Variants in CTCF observed in about 807,000 individuals in gnomAD.
CTCF encodes transcriptional repressor CTCF.
CTCF carries 7 observed loss-of-function variants against 72.3 expected under a neutral mutation model. The observed-to-expected ratio is 0.10, with a 90% CI of 0.06 to 0.18. The LOEUF (loss-of-function observed/expected upper bound fraction) is 0.18. Among genes scored for constraint, CTCF ranks in the 10% least tolerant of loss-of-function variants. The probability of loss-of-function intolerance (pLI) is 1.00; values close to 1 mark genes in which losing one functional copy is unlikely to be tolerated. For synonymous variants in CTCF, 374 were observed against 315.8 expected (o/e 1.18, Z -1.95); for missense variants, 516 against 949.1 (o/e 0.54, Z 6.00).
chr16:67,571,561 T>G (rs991062194), intron 2 of CTCF, among the ~76,000 whole-genome samples: 2 of 152,332 alleles, frequency 1.3e-5, no homozygotes, highest in East Asian at 1.9e-4. Flanking sequence ...TTTGTAAAGC[T>G]TTAAGTACTA....
At position 67,637,842 on chromosome 16, in the gene CTCF, C is replaced by G. The variant is rs376235806; in HGVS notation, c.2154C>G (p.Pro718=). 5 of 1,612,072 alleles carry G rather than the reference C, an allele frequency of 3.1e-6. No homozygotes were observed. Among genetic ancestry groups the G allele is most frequent in the Non-Finnish European group, 4.2e-6 (5 of 1,179,902 alleles). The change falls in exon 12 of 12, where the codon CCC becomes CCG. Residue 718 remains proline (P), a synonymous_variant. Coordinates refer to ENST00000264010, the MANE Select transcript of CTCF (RefSeq NM_006565.4). ...ATGCCCCCAACGGAGACCTCACGCCCGAGATGATCCTCAGCATGATGGACC... is the reference window on the plus strand; with the variant it reads ...ATGCCCCCAACGGAGACCTCACGCCGGAGATGATCCTCAGCATGATGGACC... ...ATDAPNGDLT[P]EMILSMMDR
chr16:67,572,882 G>A (rs1450630942), intron 2 of CTCF, among the ~76,000 whole-genome samples: 1 of 150,558 alleles, frequency 6.6e-6, no homozygotes, highest in South Asian at 2.1e-4. Context: ...AGAGGTTGCA[G>A]TGAGCCAGGA....
At chr16:67,607,727 G>A (rs946502384) in intron 2 of CTCF, among the ~76,000 whole-genome samples, 15 of 151,796 alleles carry the variant, frequency 9.9e-5, no homozygotes, top group South Asian at 6.3e-4. Context: ...GTGCTAAAGA[G>A]TAAAAACCGT....
intron 2 of CTCF, among the ~76,000 whole-genome samples, chr16:67,610,405 C>T (rs1193820350): frequency 2.1e-5 from 3 of 141,908 alleles, no homozygotes; most frequent in East Asian, 2.1e-4. Context: ...CACGCTGGAG[C>T]GCAGTGGTGC....
intron 2 of CTCF, among the ~76,000 whole-genome samples, chr16:67,591,645 T>C (rs896244637): frequency 3.9e-5 from 6 of 152,200 alleles, no homozygotes; most frequent in Non-Finnish European, 1.5e-5. Flanking sequence ...TTTTATTCGT[T>C]TTGGCTAGTG....
intron 2 of CTCF, among the ~76,000 whole-genome samples, chr16:67,606,322 T>C (rs1026472790): frequency 1.3e-5 from 2 of 152,246 alleles, no homozygotes; most frequent in Admixed American, 6.5e-5. Context: ...CCTGCTCACG[T>C]TTCAGGGTTC....
At chr16:67,617,732 T>C (rs1005783492) in intron 5 of CTCF, among the ~76,000 whole-genome samples, 1 of 152,108 alleles carries the variant, frequency 6.6e-6, no homozygotes, top group Non-Finnish European at 1.5e-5. Context: ...TCTGTCAAAC[T>C]TTGAAGAAAA....
intron 2 of CTCF, among the ~76,000 whole-genome samples, chr16:67,601,294 C>CGTGTGTGTGTGTGT (rs58241150): frequency 4.3e-4 from 42 of 98,690 alleles, no homozygotes; most frequent in South Asian, 8.2e-4. Flanking sequence ...ACTCTGTCAC[C>CGTGTGTGTGTGTGT]GTGTGTGTGT....
At chr16:67,600,927 A>C (rs2051877972) in intron 2 of CTCF, among the ~76,000 whole-genome samples, 1 of 152,124 alleles carries the variant, frequency 6.6e-6, no homozygotes, top group African/African-American at 2.4e-5. Flanking sequence ...ATTTGATGAA[A>C]CCTAGAAGGC....
At chr16:67,620,946 A>G (rs1294807287) in intron 6 of CTCF, 129 bp downstream of exon 6, 2 of 677,440 alleles carry the variant, frequency 3.0e-6, no homozygotes, top group Admixed American at 7.1e-5. Flanking sequence ...TATGGAATTG[A>G]TAATGCTTCT....
chr16:67,604,752 GT>G lies in CTCF; in HGVS notation c.-9-6060del, dbSNP rs1242814743. Among the ~76,000 whole-genome samples, 75 of 98,878 alleles carry G rather than the reference GT, an allele frequency of 7.6e-4. 2 individuals carry two copies. The highest frequency in any genetic ancestry group is 1.2e-3 in the Admixed American group (13 of 10,800). 64.9% of individuals were successfully genotyped at this position (98,878 alleles called of 152,430 possible). ...AGGGTTTTTTTTTTTTTTGTTTTTTGTTTTTTTTTTTTACTTTTTAATATGA... is the reference window on the plus strand; with the variant it reads ...AGGGTTTTTTTTTTTTTTGTTTTTTGTTTTTTTTTTTACTTTTTAATATGA... On this transcript the variant is annotated intron_variant, in intron 2 of 11. Transcript: ENST00000264010.
Position 67,624,069 on chromosome 16 carries a change from A to ATGTG in CTCF, c.1357+2479_1357+2480insGTGT, listed in dbSNP as rs1482127509. 9.0e-3 allele frequency among the ~76,000 whole-genome samples: 821 copies of ATGTG among 91,386 alleles called. 9 individuals carry two copies. Among genetic ancestry groups the ATGTG allele is most frequent in the Non-Finnish European group, 0.011 (507 of 45,498 alleles). 60.0% of individuals were successfully genotyped at this position (91,386 alleles called of 152,430 possible). On this transcript the variant is annotated intron_variant, in intron 7 of 11. Transcript: ENST00000264010. ...TCTCAAAAAAAAAAAAAAAAATTAT[A>ATGTG]TATGTGTGTGTGTGTGTGTGTGTGT...
At chr16:67,632,959 T>C (rs2052384277) in intron 10 of CTCF, among the ~76,000 whole-genome samples, 1 of 152,090 alleles carries the variant, frequency 6.6e-6, no homozygotes, top group Non-Finnish European at 1.5e-5. Context: ...GCCGCAGCCA[T>C]GGGGGAGGGA....
At chr16:67,595,297 A>G (rs530611539) in intron 2 of CTCF, among the ~76,000 whole-genome samples, 3 of 151,684 alleles carry the variant, frequency 2.0e-5, no homozygotes, top group South Asian at 2.1e-4. Flanking sequence ...AGCTGGAACT[A>G]TAGGTACAAA....
intron 2 of CTCF, among the ~76,000 whole-genome samples, chr16:67,583,997 C>T (rs1420990976): frequency 2.6e-5 from 4 of 152,144 alleles, no homozygotes; most frequent in African/African-American, 9.7e-5. Flanking sequence ...TTCTGGGTTA[C>T]AGACAAGGGG....
intron 1 of CTCF, among the ~76,000 whole-genome samples, chr16:67,570,519 G>T (rs1297847115): frequency 6.6e-6 from 1 of 151,708 alleles, no homozygotes; most frequent in African/African-American, 2.4e-5. Context: ...TGCGATCTCG[G>T]CTCACTGCAT....
chr16:67,594,516 C>T (rs944678743), intron 2 of CTCF, among the ~76,000 whole-genome samples: 2 of 151,856 alleles, frequency 1.3e-5, no homozygotes, highest in Admixed American at 1.3e-4. Context: ...GCCTGGGCAA[C>T]ATAATGAAAC....
At chr16:67,580,780 T>A (rs2051568690) in intron 2 of CTCF, among the ~76,000 whole-genome samples, 1 of 148,022 alleles carries the variant, frequency 6.8e-6, no homozygotes, top group Non-Finnish European at 1.5e-5. Context: ...AAATTTTTTT[T>A]TTTTTTTTTT....
intron 2 of CTCF, among the ~76,000 whole-genome samples, chr16:67,607,966 C>T (rs1597710346): frequency 6.7e-6 from 1 of 149,762 alleles, no homozygotes; most frequent in Middle Eastern, 3.5e-3. Context: ...TTGCAGTGAG[C>T]CAAGATCACG....
Sources: gnomAD v4.1 joint callset for allele counts (sites outside exome capture counted in the v4.1 genomes callset) on GRCh38, gnomAD v4.1.1 for gene constraint, MANE v1.5 for transcripts, NCBI Gene and HGNC (gene_info 2026-07-23, HGNC 2026-07-21) for gene names.